Variants in FGGY observed in about 807,000 individuals in gnomAD.
FGGY encodes the protein FGGY carbohydrate kinase domain-containing protein.
In FGGY, 72 loss-of-function variants were observed where a neutral mutation model predicts 71.3. That is an observed-to-expected ratio of 1.01 (90% CI 0.84 to 1.23). FGGY has a LOEUF of 1.23. Among genes scored for constraint, FGGY ranks in the 50% most tolerant of loss-of-function variants. The pLI, the probability that FGGY is intolerant of heterozygous loss-of-function variation, is 0.00. For synonymous variants in FGGY, 251 were observed against 250.3 expected (o/e 1.00, Z -0.02); for missense variants, 668 against 682.3 (o/e 0.98, Z 0.23).
At chr1:59,502,540 G>A (rs904589051) in intron 6 of FGGY, among the ~76,000 whole-genome samples, 1 of 152,132 alleles carries the variant, frequency 6.6e-6, no homozygotes, top group Non-Finnish European at 1.5e-5. Flanking sequence ...AGAATTGGCC[G>A]CCCACACTCC....
At chr1:59,345,057 A>C (rs1331447391) in intron 3 of FGGY, among the ~76,000 whole-genome samples, 1 of 152,186 alleles carries the variant, frequency 6.6e-6, no homozygotes, top group Non-Finnish European at 1.5e-5. Context: ...GTACGTCTTC[A>C]CTTTCAAGAG....
intron 5 of FGGY, among the ~76,000 whole-genome samples, chr1:59,410,421 A>G (rs1264986526): frequency 6.6e-6 from 1 of 152,146 alleles, no homozygotes; most frequent in Non-Finnish European, 1.5e-5. Context: ...ACATCACACT[A>G]CTAGTAAGTG....
chr1:59,393,499 G>GT (rs944515623), intron 5 of FGGY, among the ~76,000 whole-genome samples: 5 of 152,184 alleles, frequency 3.3e-5, no homozygotes, highest in African/African-American at 1.2e-4. Context: ...GGGGGTGTTT[G>GT]TAAGTTTAGA....
At chr1:59,697,526 AT>A in intron 14 of FGGY, 1 of 469,230 alleles carries the variant, frequency 2.1e-6, no homozygotes, top group Non-Finnish European at 4.2e-6. Context: ...ACGTATCAGA[AT>A]TTCCTTCCTT....
chr1:59,409,307 A>T (rs1461905720), intron 5 of FGGY, among the ~76,000 whole-genome samples: 1 of 152,184 alleles, frequency 6.6e-6, no homozygotes, highest in Non-Finnish European at 1.5e-5. Context: ...TGTCCCTTTC[A>T]TATGGACTTT....
intron 12 of FGGY, among the ~76,000 whole-genome samples, chr1:59,665,979 C>T (rs1388099026): frequency 6.6e-6 from 1 of 152,128 alleles, no homozygotes; most frequent in East Asian, 1.9e-4. Context: ...GGCCCAAAAC[C>T]CTATTCCTTA....
In FGGY at chr1:59,476,036, A is replaced by C. The variant is rs144741588; in HGVS notation, c.670+18960A>C. On this transcript the variant is annotated intron_variant, in intron 6 of 15. Transcript: ENST00000303721. ...ACGTAGTCACCATCCAACCACAATGACCTTCTTTTTGTCCCTCAGACATTT... is the reference window on the plus strand; with the variant it reads ...ACGTAGTCACCATCCAACCACAATGCCCTTCTTTTTGTCCCTCAGACATTT... Among the ~76,000 whole-genome samples, 109 of 152,186 alleles carry C rather than the reference A, an allele frequency of 7.2e-4. 2 individuals are homozygous for C. Among genetic ancestry groups the C allele is most frequent in the Admixed American group, 4.5e-3 (68 of 15,270 alleles).
chr1:59,418,092 A>G (rs1165097278), intron 5 of FGGY, among the ~76,000 whole-genome samples: 1 of 152,206 alleles, frequency 6.6e-6, no homozygotes, highest in East Asian at 1.9e-4. Context: ...TACTCCAGAA[A>G]GAGTGAGGTG....
chr1:59,368,518 G>A (rs1016939006), intron 4 of FGGY, among the ~76,000 whole-genome samples: 1 of 152,188 alleles, frequency 6.6e-6, no homozygotes, highest in African/African-American at 2.4e-5. Context: ...TTACCTACAC[G>A]CCTCTGCATC....
At chr1:59,615,816 C>T (rs1012000046) in intron 9 of FGGY, among the ~76,000 whole-genome samples, 2 of 152,002 alleles carry the variant, frequency 1.3e-5, no homozygotes, top group African/African-American at 2.4e-5. Context: ...AAGAAACAAC[C>T]CCATCAGCAA....
intron 14 of FGGY, among the ~76,000 whole-genome samples, chr1:59,741,529 C>T: frequency 6.6e-6 from 1 of 152,162 alleles, no homozygotes; most frequent in African/African-American, 2.4e-5. Context: ...CATAAATTAC[C>T]CAGTCTCAGG....
At chr1:59,550,546 A>C (rs1428883626) in intron 7 of FGGY, among the ~76,000 whole-genome samples, 1 of 152,124 alleles carries the variant, frequency 6.6e-6, no homozygotes, top group African/African-American at 2.4e-5. Flanking sequence ...AGGTAAGGAG[A>C]TACCTCAGCT....
intron 15 of FGGY, among the ~76,000 whole-genome samples, chr1:59,760,798 G>A (rs2098334850): frequency 1.3e-5 from 2 of 152,126 alleles, no homozygotes; most frequent in Admixed American, 1.3e-4. Flanking sequence ...GTGTGTGAAG[G>A]GGTGCTCACC....
chr1:59,562,041 A>G (rs2095800442), intron 8 of FGGY, among the ~76,000 whole-genome samples: 1 of 152,192 alleles, frequency 6.6e-6, no homozygotes, highest in South Asian at 2.1e-4. Context: ...GCTCTCACAC[A>G]CCACTGGTGG....
At chr1:59,480,167 AAATCT>A (rs543249118) in intron 6 of FGGY, among the ~76,000 whole-genome samples, 124 of 152,282 alleles carry the variant, frequency 8.1e-4, no homozygotes, top group Admixed American at 1.4e-3. Context: ...TTTATAATGA[AAATCT>A]AATCTAATCC....
chr1:59,630,173 G>A (rs1210473636), intron 10 of FGGY, among the ~76,000 whole-genome samples: 1 of 152,078 alleles, frequency 6.6e-6, no homozygotes, highest in African/African-American at 2.4e-5. Flanking sequence ...CACAAGAACA[G>A]CATGAGGGTA....
At chr1:59,546,861 A>C (rs2095534393) in intron 7 of FGGY, among the ~76,000 whole-genome samples, 2 of 150,686 alleles carry the variant, frequency 1.3e-5, no homozygotes, top group African/African-American at 4.9e-5. Flanking sequence ...AAGTAAACCT[A>C]CTTTAGGATT....
chr1:59,501,153 G>T (rs1443922136), intron 6 of FGGY, among the ~76,000 whole-genome samples: 1 of 152,182 alleles, frequency 6.6e-6, no homozygotes, highest in African/African-American at 2.4e-5. Flanking sequence ...CAGTAGTCCA[G>T]ACGAGAAACC....
chr1:59,732,503 G>A (rs1406641813), intron 14 of FGGY, among the ~76,000 whole-genome samples: 4 of 152,206 alleles, frequency 2.6e-5, no homozygotes, highest in African/African-American at 9.7e-5. Flanking sequence ...GAATGGGGAA[G>A]TGCAGGGAGG....
Sources: gnomAD v4.1 joint callset for allele counts (sites outside exome capture counted in the v4.1 genomes callset) on GRCh38, gnomAD v4.1.1 for gene constraint, MANE v1.5 for transcripts, NCBI Gene and HGNC (gene_info 2026-07-23, HGNC 2026-07-21) for gene names.